The following TEAD1 variants were observed in gnomAD, a reference collection of about 807,000 sequenced individuals.
The protein encoded by TEAD1 is TEA domain transcription factor 1.
In TEAD1, 9 loss-of-function variants were observed where a neutral mutation model predicts 54.9. That is an observed-to-expected ratio of 0.16 (90% CI 0.10 to 0.29). The LOEUF (loss-of-function observed/expected upper bound fraction) is 0.29. TEAD1 is among the 10% of genes least tolerant of loss of function. The pLI is 1.00. For synonymous variants in TEAD1, 200 were observed against 187.8 expected (o/e 1.07, Z -0.53); for missense variants, 387 against 535.9 (o/e 0.72, Z 2.74).
chr11:12,858,218 A>G (rs956121158), intron 3 of TEAD1, among the ~76,000 whole-genome samples: 17 of 152,232 alleles, frequency 1.1e-4, no homozygotes, highest in African/African-American at 4.1e-4. Context: ...AAACAGCCAA[A>G]AAGATCTTCC....
At chr11:12,694,703 T>G (rs962672374) in intron 2 of TEAD1, among the ~76,000 whole-genome samples, 2 of 152,256 alleles carry the variant, frequency 1.3e-5, no homozygotes, top group Non-Finnish European at 2.9e-5. Context: ...AAATTAAAAT[T>G]GAGTGTGACT....
At chr11:12,718,247 G>A (rs932874281) in intron 2 of TEAD1, among the ~76,000 whole-genome samples, 1 of 152,158 alleles carries the variant, frequency 6.6e-6, no homozygotes, top group African/African-American at 2.4e-5. Flanking sequence ...CACAACCTAA[G>A]GTTTTCATGC....
intron 2 of TEAD1, among the ~76,000 whole-genome samples, chr11:12,690,409 T>G (rs566334213): frequency 2.5e-4 from 38 of 152,168 alleles, no homozygotes; most frequent in Non-Finnish European, 5.0e-4. Context: ...CTTAAAACTC[T>G]TTAAATCACA....
rs555071459 is a variant in TEAD1, at chr11:12,887,926, A to G, written c.699+4801A>G. On this transcript the variant is annotated intron_variant, in intron 9 of 12. Transcript: ENST00000527636. ...CTCTAGATGTTTGTTACAGACAGAC[A>G]TGTACATATGTTTCCCCCTACTTCT... Among the ~76,000 whole-genome samples the G allele has an allele frequency of 9.2e-5, 14 of 152,352 alleles. No individual in the cohort carries two copies. In the South Asian group the frequency reaches 1.9e-3, roughly 20 times the overall value.
At chr11:12,681,473 C>T (rs762994999) in intron 2 of TEAD1, among the ~76,000 whole-genome samples, 23 of 152,178 alleles carry the variant, frequency 1.5e-4, no homozygotes, top group Non-Finnish European at 1.6e-4. Context: ...AAGCAGCTTC[C>T]TTCATGCTTA....
intron 2 of TEAD1, among the ~76,000 whole-genome samples, chr11:12,711,689 G>GT (rs1416660582): frequency 2.6e-5 from 4 of 152,158 alleles, no homozygotes; most frequent in African/African-American, 9.7e-5. Context: ...ACCCTCTGGG[G>GT]GTTTTTTACT....
chr11:12,944,241 G>C lies in TEAD1; in HGVS notation c.*7019G>C, dbSNP rs1949187329. On this transcript the variant is annotated 3_prime_UTR_variant, in exon 13 of 13. Transcript: ENST00000527636. The stretch of plus-strand genomic sequence containing the variant: ...TGGGTAGATTGGAGAGATGGGGGTG[G>C]GCGTGGGCAAATTCTCACACATGTT... The C allele has an allele frequency of 6.6e-6, 1 of 152,476 alleles. No individual in the cohort carries two copies. The highest frequency in any genetic ancestry group is 2.4e-5 in the African/African-American group (1 of 41,404). 9.4% of individuals were successfully genotyped at this position (152,476 alleles called of 1,614,324 possible).
At chr11:12,855,539 T>G (rs180984998) in intron 3 of TEAD1, among the ~76,000 whole-genome samples, 92 of 152,068 alleles carry the variant, frequency 6.0e-4, no homozygotes, top group Non-Finnish European at 1.2e-3. Context: ...CCACCTGCCT[T>G]GGCCTCCCAA....
At chr11:12,788,648 C>T (rs1471915165) in intron 3 of TEAD1, among the ~76,000 whole-genome samples, 13 of 152,090 alleles carry the variant, frequency 8.5e-5, no homozygotes, top group Admixed American at 1.3e-4. Context: ...GCATGTAAGA[C>T]GTGGTCCATA....
intron 7 of TEAD1, 119 bp downstream of exon 7, chr11:12,881,170 G>A (rs1947957976): frequency 9.0e-7 from 1 of 1,106,236 alleles, no homozygotes; most frequent in Non-Finnish European, 1.4e-6. Flanking sequence ...TTACACTGAG[G>A]TCCCAGAAGG....
chr11:12,699,924 A>G (rs549085238), intron 2 of TEAD1, among the ~76,000 whole-genome samples: 21 of 152,232 alleles, frequency 1.4e-4, no homozygotes, highest in African/African-American at 4.8e-4. Context: ...TGGACCTGGG[A>G]ATGTTTTGGT....
At chr11:12,707,411 G>A (rs1943841399) in intron 2 of TEAD1, among the ~76,000 whole-genome samples, 1 of 152,120 alleles carries the variant, frequency 6.6e-6, no homozygotes. Flanking sequence ...CACGTTTAAT[G>A]GTGGCACTTG....
At chr11:12,702,828 C>G (rs1943732280) in intron 2 of TEAD1, among the ~76,000 whole-genome samples, 1 of 152,208 alleles carries the variant, frequency 6.6e-6, no homozygotes, top group South Asian at 2.1e-4. Context: ...CGATAATGCA[C>G]TTACATAGCC....
intron 2 of TEAD1, among the ~76,000 whole-genome samples, chr11:12,753,007 ATTT>A (rs1276478132): frequency 7.2e-6 from 1 of 138,088 alleles, no homozygotes; most frequent in Admixed American, 7.2e-5. Flanking sequence ...CACCCAGCTA[ATTT>A]TTTTTTTTTT....
chr11:12,937,628 C>CT lies in TEAD1; in HGVS notation c.*412dup, dbSNP rs1949122277. 1 of 154,004 alleles carries CT rather than the reference C, an allele frequency of 6.5e-6. No individual in the cohort carries two copies. Among genetic ancestry groups the CT allele is most frequent in the Admixed American group, 6.4e-5 (1 of 15,548 alleles). The allele number at this position is 154,004 out of a possible 1,614,324, so 9.5% of individuals were successfully genotyped here. A position where few individuals can be genotyped will look rare whatever the true frequency, so the allele number is the denominator to read the frequency against. On this transcript the variant is annotated 3_prime_UTR_variant, in exon 13 of 13. Transcript: ENST00000527636. Reference sequence around the variant, plus strand: ...CCTTTATACAAATGTATTTAGTTCTCTTTTTTCCAACATAAAATTCTTGTT... The same window carrying CT: ...CCTTTATACAAATGTATTTAGTTCTCTTTTTTTCCAACATAAAATTCTTGTT...
At chr11:12,788,421 C>T (rs1026084429) in intron 3 of TEAD1, among the ~76,000 whole-genome samples, 9 of 152,032 alleles carry the variant, frequency 5.9e-5, no homozygotes, top group African/African-American at 1.4e-4. Context: ...CATGAGCCAC[C>T]GTGCCTGGCC....
chr11:12,757,920 C>T (rs1314835735), intron 2 of TEAD1, among the ~76,000 whole-genome samples: 1 of 152,090 alleles, frequency 6.6e-6, no homozygotes, highest in African/African-American at 2.4e-5. Context: ...GCTGGGATTA[C>T]AGGCGCCTGC....
chr11:12,891,644 T>C (rs1948200179), intron 9 of TEAD1, among the ~76,000 whole-genome samples: 1 of 152,194 alleles, frequency 6.6e-6, no homozygotes. Context: ...ATAAGCTTGT[T>C]GAAATACCTA....
intron 10 of TEAD1, among the ~76,000 whole-genome samples, chr11:12,915,681 C>T (rs1948699380): frequency 6.6e-6 from 1 of 152,194 alleles, no homozygotes. Flanking sequence ...AACCCCATCT[C>T]TACTAAAAAA....
Sources: allele counts gnomAD v4.1 joint callset (sites outside exome capture counted in the v4.1 genomes callset), GRCh38; gene constraint gnomAD v4.1.1; transcripts MANE v1.5; gene names NCBI Gene and HGNC (gene_info 2026-07-23, HGNC 2026-07-21).